RTL4: variants seen among roughly 807,000 people sequenced by gnomAD.
The protein encoded by RTL4 is retrotransposon Gag-like protein 4.
A neutral mutation model predicts 5.3 loss-of-function variants in RTL4; 4 were observed. The ratio of observed to expected loss-of-function variants is 0.75; its 90% CI spans 0.37 to 1.72. The LOEUF is 1.72. Ranked by LOEUF, RTL4 falls within the 40% of genes most tolerant of loss-of-function variation. The pLI is 0.04. For missense variants in RTL4, 260 were observed against 227.1 expected, an observed-to-expected ratio of 1.14 and a Z score of -0.93; for synonymous variants, 98 against 87.3, an observed-to-expected ratio of 1.12 and a Z score of -0.68.
At chrX:112,177,018 G>A in the RTL4 span, among the ~76,000 whole-genome samples, 1 of 110,047 alleles carries the variant, frequency 9.1e-6, no homozygotes, top group Non-Finnish European at 1.9e-5. Flanking sequence ...TTTTTTTGTG[G>A]CTGTATTCCA....
the RTL4 span, among the ~76,000 whole-genome samples, chrX:112,135,868 T>C: frequency 2.8e-5 from 3 of 106,506 alleles, no homozygotes; most frequent in East Asian, 8.5e-4. Context: ...TATATGAGTA[T>C]ATATATACAC....
chrX:112,272,388 G>A, the RTL4 span, among the ~76,000 whole-genome samples: 1 of 111,772 alleles, frequency 8.9e-6, no homozygotes, highest in Admixed American at 9.5e-5. Context: ...CTGCGCAGTG[G>A]ATCCTAAGCT....
At chrX:112,122,466 G>A in the RTL4 span, among the ~76,000 whole-genome samples, 2 of 110,346 alleles carry the variant, frequency 1.8e-5, no homozygotes, top group Non-Finnish European at 3.8e-5. Context: ...GAAGGCGAGG[G>A]ATGGTTAAGG....
chrX:112,327,689 C>A, the RTL4 span, among the ~76,000 whole-genome samples: 1 of 110,073 alleles, frequency 9.1e-6, no homozygotes, highest in African/African-American at 3.3e-5. Context: ...AGAGGAACTC[C>A]AAGACACATA....
chrX:112,388,165 T>C, the RTL4 span, among the ~76,000 whole-genome samples: 1 of 112,294 alleles, frequency 8.9e-6, no homozygotes, highest in African/African-American at 3.2e-5. Context: ...ACATATTTTA[T>C]TTTTGTGGCA....
exon 1 of RTL4, chrX:112,454,740 C>T: frequency 8.4e-7 from 1 of 1,185,788 alleles, no homozygotes; most frequent in Non-Finnish European, 1.1e-6. Context: ...TGGAGAAGTG[C>T]ACGAAATCAT....
chrX:112,189,287 A>G, the RTL4 span, among the ~76,000 whole-genome samples: 2 of 111,509 alleles, frequency 1.8e-5, no homozygotes, highest in Non-Finnish European at 3.8e-5. Context: ...CTAAAATATA[A>G]TTCTGGAAAA....
the RTL4 span, among the ~76,000 whole-genome samples, chrX:112,274,675 G>A: frequency 8.9e-6 from 1 of 111,773 alleles, no homozygotes; most frequent in South Asian, 3.8e-4. Flanking sequence ...CCAGCAGGAA[G>A]AAAAGATCCT....
the RTL4 span, among the ~76,000 whole-genome samples, chrX:112,430,097 G>A: frequency 1.8e-5 from 2 of 111,072 alleles, no homozygotes; most frequent in Admixed American, 1.9e-4. Context: ...TTAATTTGAG[G>A]AAAATTCTCA....
chrX:112,332,916 C>T, the RTL4 span, among the ~76,000 whole-genome samples: 1 of 110,843 alleles, frequency 9.0e-6, no homozygotes, highest in Non-Finnish European at 1.9e-5. Context: ...CAGCTTGGTG[C>T]TCTGTTGTTA....
At chrX:112,277,041 A>C in the RTL4 span, among the ~76,000 whole-genome samples, 1 of 111,864 alleles carries the variant, frequency 8.9e-6, no homozygotes, top group African/African-American at 3.2e-5. Context: ...GAAGGAAATA[A>C]AAAATAAGAC....
chrX:112,098,649 A>G, the RTL4 span, among the ~76,000 whole-genome samples: 1 of 111,475 alleles, frequency 9.0e-6, no homozygotes, highest in Admixed American at 9.5e-5. Flanking sequence ...AATGATCACC[A>G]TTCTAACTGG....
chrX:112,317,148 C>G, the RTL4 span, among the ~76,000 whole-genome samples: 2 of 111,340 alleles, frequency 1.8e-5, no homozygotes, highest in South Asian at 3.8e-4. Flanking sequence ...CAAGACCAGT[C>G]TGACCAATAT....
chrX:112,381,461 G>A, the RTL4 span: 2 of 1,206,346 alleles, frequency 1.7e-6, no homozygotes, highest in South Asian at 3.5e-5. Flanking sequence ...GGAATCCAGG[G>A]AGCTACACCG....
At chrX:112,373,772 G>A in the RTL4 span, among the ~76,000 whole-genome samples, 1 of 109,789 alleles carries the variant, frequency 9.1e-6, no homozygotes, top group East Asian at 2.9e-4. Context: ...TGCCTCCTCA[G>A]TCAATCTCGA....
At chrX:112,285,054 C>T in the RTL4 span, among the ~76,000 whole-genome samples, 7 of 112,067 alleles carry the variant, frequency 6.2e-5, no homozygotes, top group South Asian at 2.6e-3. Flanking sequence ...CCTCTAAAAA[C>T]AATGGCCCAG....
the RTL4 span, among the ~76,000 whole-genome samples, chrX:112,402,563 T>C: frequency 9.0e-6 from 1 of 110,762 alleles, no homozygotes; most frequent in Non-Finnish European, 1.9e-5. Flanking sequence ...CCTTGATTAG[T>C]GAGTCTGAGC....
chrX:112,429,830 A>G, the RTL4 span, among the ~76,000 whole-genome samples: 1 of 110,266 alleles, frequency 9.1e-6, no homozygotes, highest in Non-Finnish European at 1.9e-5. Flanking sequence ...CTATGTTGGG[A>G]GAGGAGTTTT....
At chrX:112,102,579 C>T in the RTL4 span, among the ~76,000 whole-genome samples, 2 of 111,356 alleles carry the variant, frequency 1.8e-5, no homozygotes, top group South Asian at 7.4e-4. Flanking sequence ...TCTCTCAAAT[C>T]TTTTATAAAA....
Sources: allele counts gnomAD v4.1 joint callset (sites outside exome capture counted in the v4.1 genomes callset), GRCh38; gene constraint gnomAD v4.1.1; transcripts MANE v1.5; gene names NCBI Gene and HGNC (gene_info 2026-07-23, HGNC 2026-07-21).